Variants in ZDHHC13 observed in about 807,000 individuals in gnomAD.
ZDHHC13 encodes palmitoyltransferase ZDHHC13.
A neutral mutation model predicts 86.0 loss-of-function variants in ZDHHC13; 85 were observed. The ratio of observed to expected loss-of-function variants is 0.99; its 90% confidence interval spans 0.83 to 1.18. The LOEUF is 1.18. ZDHHC13 is among the 50% of genes most tolerant of loss of function. The pLI is 0.00. For missense variants in ZDHHC13, 711 were observed against 730.2 expected (o/e 0.97, Z 0.30); for synonymous variants, 263 against 246.4 (o/e 1.07, Z -0.63).
intron 1 of ZDHHC13, among the ~76,000 whole-genome samples, chr11:19,124,426 C>T (rs1481551376): frequency 4.6e-5 from 7 of 151,768 alleles, no homozygotes; most frequent in Non-Finnish European, 1.0e-4. Context: ...GGAAAGAGTC[C>T]GGATTGTTAA....
chr11:19,166,507 A>T, intron 14 of ZDHHC13, 122 bp downstream of exon 14: 1 of 701,848 alleles, frequency 1.4e-6, no homozygotes, highest in South Asian at 2.1e-5. Context: ...AATAAAAACA[A>T]AGCAAATGCC....
At chr11:19,136,881 T>G (rs1237315510) in intron 1 of ZDHHC13, among the ~76,000 whole-genome samples, 4 of 151,800 alleles carry the variant, frequency 2.6e-5, no homozygotes, top group African/African-American at 9.7e-5. Flanking sequence ...AGAGATTTTG[T>G]CACCACCAGG....
At chr11:19,126,502 A>ATTTTTTTTTT (rs754405966) in intron 1 of ZDHHC13, among the ~76,000 whole-genome samples, 3 of 95,122 alleles carry the variant, frequency 3.2e-5, no homozygotes, top group African/African-American at 1.5e-4. Flanking sequence ...ACCCTGGCTA[A>ATTTTTTTTTT]TTTTTTTTTT....
intron 9 of ZDHHC13, among the ~76,000 whole-genome samples, chr11:19,157,888 C>G (rs557245867): frequency 6.6e-6 from 1 of 152,314 alleles, no homozygotes; most frequent in South Asian, 2.1e-4. Context: ...AGGAAAGCAA[C>G]TGTAAACTAC....
chr11:19,170,316 C>T (rs1478927458), intron 14 of ZDHHC13, 95 bp from the exon 15 acceptor site: 15 of 1,457,594 alleles, frequency 1.0e-5, no homozygotes, highest in Non-Finnish European at 6.3e-6. Flanking sequence ...ACTTTCTCTT[C>T]TCCCTATATA....
intron 8 of ZDHHC13, among the ~76,000 whole-genome samples, chr11:19,155,409 C>A (rs1348794599): frequency 6.6e-6 from 1 of 151,752 alleles, no homozygotes. Context: ...AGTGAAACCC[C>A]GTCTCTACTA....
At position 19,127,847 on chromosome 11, in the gene ZDHHC13, T is replaced by C. The variant is rs76390167; in HGVS notation, c.27+10571T>C. Among the ~76,000 whole-genome samples the C allele has an allele frequency of 6.9e-3, 1,044 of 152,304 alleles. 9 individuals carry two copies. The highest frequency in any genetic ancestry group is 0.024 in the African/African-American group (985 of 41,578). On this transcript the variant is annotated intron_variant, in intron 1 of 16. Transcript: ENST00000446113. ...TACTGACATCATGCTGTTTTGGTTA[T>C]TGTAGTGCTATAGTATCGTTTGAAG...
At chr11:19,166,233 AAGG>A in intron 13 of ZDHHC13, 66 bp from the exon 14 acceptor site, 1 of 1,255,372 alleles carries the variant, frequency 8.0e-7, no homozygotes, top group Non-Finnish European at 1.1e-6. Context: ...GAAAGTGGTT[AAGG>A]AGGTCTTATG....
intron 10 of ZDHHC13, among the ~76,000 whole-genome samples, chr11:19,160,570 C>T (rs1849882487): frequency 6.6e-6 from 1 of 151,880 alleles, no homozygotes; most frequent in Admixed American, 6.6e-5. Context: ...TGGAATAAAA[C>T]AGTTTTAAAA....
rs376449624 is a variant in ZDHHC13 at position 19,149,307 on chromosome 11, A to G, written c.495A>G (p.Ile165Met). 4 of 1,601,602 alleles carry G rather than the reference A, an allele frequency of 2.5e-6. No individual in the cohort carries two copies. The highest frequency in any genetic ancestry group is 3.4e-6 in the Non-Finnish European group (4 of 1,172,970). The change falls in exon 5 of 17, where the codon ATA becomes ATG. Residue 165 changes from isoleucine to methionine, a missense_variant. Coordinates refer to ENST00000446113, the MANE Select transcript of ZDHHC13 (RefSeq NM_019028.3). ...LAVLFQHMPI[I>M]AYLISKGQSV... ...TATTGTTTCAACACATGCCTATTATAGCATATCTCATCTCAAAGGGACAGG... is the reference window on the plus strand; with the variant it reads ...TATTGTTTCAACACATGCCTATTATGGCATATCTCATCTCAAAGGGACAGG...
intron 1 of ZDHHC13, among the ~76,000 whole-genome samples, chr11:19,137,471 G>C (rs1364363405): frequency 6.6e-6 from 1 of 151,684 alleles, no homozygotes; most frequent in Non-Finnish European, 1.5e-5. Context: ...AATAATGGGA[G>C]ACTTTAACAC....
rs754373317 is a variant in ZDHHC13 at position 19,166,347 on chromosome 11, C to T, written c.1436C>T (p.Ser479Phe). The T allele has an allele frequency of 1.2e-6, 2 of 1,612,158 alleles. No homozygotes were observed. The highest frequency in any genetic ancestry group is 2.7e-5 in the African/African-American group (2 of 74,778). ...HYYIFFLFFL[S>F]MVCGWIIYGS... ...TACATATTCTTCTTGTTTTTCCTTTCCATGGTATGTGGCTGGATTATATAT... is the reference window on the plus strand; with the variant it reads ...TACATATTCTTCTTGTTTTTCCTTTTCATGGTATGTGGCTGGATTATATAT... The change falls in exon 14 of 17, where the codon TCC becomes TTC. Residue 479 changes from serine (S) to phenylalanine (F), a missense_variant. Ser to Phe is a radical substitution (Grantham distance 155, BLOSUM62 -2). Coordinates refer to ENST00000446113, the MANE Select transcript of ZDHHC13 (RefSeq NM_019028.3).
At chr11:19,124,068 G>T (rs952066360) in intron 1 of ZDHHC13, among the ~76,000 whole-genome samples, 2 of 152,042 alleles carry the variant, frequency 1.3e-5, no homozygotes, top group African/African-American at 4.8e-5. Flanking sequence ...AATGCCCAGG[G>T]TGTTGATTGT....
At chr11:19,165,518 A>G (rs1850039500) in intron 13 of ZDHHC13, among the ~76,000 whole-genome samples, 1 of 152,130 alleles carries the variant, frequency 6.6e-6, no homozygotes, top group South Asian at 2.1e-4. Flanking sequence ...AGAAGGTCGG[A>G]CCATGATGTA....
chr11:19,176,115 A>G lies in ZDHHC13; in HGVS notation c.*155A>G, dbSNP rs780213944. ...GGTAAAAAAAGTTCTCAATAAAGGC[A>G]TTACAATTTTTTAGGTTTAGAAAGA... On this transcript the variant is annotated 3_prime_UTR_variant, in exon 17 of 17. Coordinates refer to ENST00000446113, the MANE Select transcript of ZDHHC13 (RefSeq NM_019028.3). The G allele has an allele frequency of 7.3e-6, 5 of 685,004 alleles. No individual in the cohort carries two copies. Among genetic ancestry groups the G allele is most frequent in the Non-Finnish European group, 8.5e-6 (4 of 467,916 alleles). 42.4% of individuals were successfully genotyped at this position (685,004 alleles called of 1,614,324 possible).
intron 1 of ZDHHC13, among the ~76,000 whole-genome samples, chr11:19,141,059 A>T (rs1019985557): frequency 6.6e-6 from 1 of 151,824 alleles, no homozygotes; most frequent in Non-Finnish European, 1.5e-5. Context: ...AAAACTTTAA[A>T]GTAGTATAAT....
intron 1 of ZDHHC13, among the ~76,000 whole-genome samples, chr11:19,135,805 A>C (rs1849121823): frequency 6.6e-6 from 1 of 152,234 alleles, no homozygotes; most frequent in African/African-American, 2.4e-5. Flanking sequence ...ACCCCCCAGC[A>C]GGGGTAGACT....
intron 4 of ZDHHC13, chr11:19,148,527 G>T (rs1392891311): frequency 2.0e-5 from 3 of 151,872 alleles, no homozygotes; most frequent in African/African-American, 2.4e-5. Flanking sequence ...ATGATTTTTT[G>T]ATTTTAAAAT....
intron 14 of ZDHHC13, 82 bp downstream of exon 14, chr11:19,166,467 T>G: frequency 8.9e-7 from 1 of 1,126,470 alleles, no homozygotes; most frequent in Non-Finnish European, 1.3e-6. Flanking sequence ...TATATCACAT[T>G]CTGGCTGGGT....
Sources: gnomAD v4.1 joint callset for allele counts (sites outside exome capture counted in the v4.1 genomes callset) on GRCh38, gnomAD v4.1.1 for gene constraint, MANE v1.5 for transcripts, NCBI Gene and HGNC (gene_info 2026-07-23, HGNC 2026-07-21) for gene names.